DAP3: variants seen among roughly 807,000 people sequenced by gnomAD.
The protein encoded by DAP3 is death associated protein 3.
DAP3 carries 28 observed loss-of-function variants against 51.9 expected under a neutral mutation model. That is an observed-to-expected ratio of 0.54 (90% CI 0.40 to 0.74). DAP3 has a LOEUF of 0.74. Among genes scored for constraint, DAP3 ranks in the 30% least tolerant of loss-of-function variants. The pLI is 0.00. For synonymous variants in DAP3, 170 were observed against 170.3 expected (o/e 1.00, Z 0.01); for missense variants, 458 against 483.5 (o/e 0.95, Z 0.49).
Position 155,709,814 on chromosome 1 carries a change from G to A in DAP3, c.35G>A (p.Arg12Lys), listed in dbSNP as rs760898731. Reference protein sequence around the residue: ...MLKGITRLISRIHKLDPGRFL... With the variant: ...MLKGITRLISKIHKLDPGRFL... ...AAAGGAATAACAAGGCTTATCTCTAGGATCCATAAGGTGAGTCCTGACTGA... is the reference window on the plus strand; with the variant it reads ...AAAGGAATAACAAGGCTTATCTCTAAGATCCATAAGGTGAGTCCTGACTGA... Residue 12 changes from arginine (R) to lysine (K), a missense_variant, in exon 2 of 13, where the codon AGG becomes AAG. Coordinates refer to ENST00000368336, the MANE Select transcript of DAP3 (RefSeq NM_004632.4). 1.2e-6 allele frequency: 2 copies of A among 1,613,006 alleles called. No homozygotes were observed. The highest frequency in any genetic ancestry group is 3.3e-5 in the Admixed American group (2 of 59,890).
At position 155,694,101 on chromosome 1, in the gene DAP3, C is replaced by T. The variant is rs555819474; in HGVS notation, c.-8+4927C>T. 3.3e-4 allele frequency among the ~76,000 whole-genome samples: 47 copies of T among 141,536 alleles called. 4 individuals are homozygous for T. Among genetic ancestry groups the T allele is most frequent in the African/African-American group, 4.2e-4 (13 of 31,094 alleles). 92.9% of individuals were successfully genotyped at this position (141,536 alleles called of 152,430 possible). A position where few individuals can be genotyped will look rare whatever the true frequency, so the allele number is the denominator to read the frequency against. The stretch of plus-strand genomic sequence containing the variant: ...GTTGAACTGAACTCTGTGGATGATC[C>T]GGGCTCCATCCAGAAAATAAATGAT... On this transcript the variant is annotated intron_variant, in intron 1 of 12. Coordinates refer to ENST00000368336, the MANE Select transcript of DAP3 (RefSeq NM_004632.4).
intron 1 of DAP3, among the ~76,000 whole-genome samples, chr1:155,698,367 C>T (rs1345795614): frequency 6.6e-6 from 1 of 152,170 alleles, no homozygotes. Flanking sequence ...AGGGAACTAA[C>T]AAATGTCCAT....
intron 11 of DAP3, 78 bp downstream of exon 11, chr1:155,732,111 T>A: frequency 7.8e-7 from 1 of 1,282,866 alleles, no homozygotes; most frequent in Non-Finnish European, 1.1e-6. Flanking sequence ...ATCTATGTAT[T>A]TTGACATAAT....
At chr1:155,715,122 G>A (rs796307706) in intron 2 of DAP3, among the ~76,000 whole-genome samples, 14 of 150,872 alleles carry the variant, frequency 9.3e-5, no homozygotes, top group African/African-American at 3.4e-4. Flanking sequence ...AGAATCACTT[G>A]AACCCAGGAG....
chr1:155,708,796 C>G (rs1656326556), intron 1 of DAP3, among the ~76,000 whole-genome samples: 1 of 151,478 alleles, frequency 6.6e-6, no homozygotes, highest in Non-Finnish European at 1.5e-5. Context: ...GCTCCGCCTC[C>G]CAGTTTCATG....
In DAP3 at chr1:155,731,370, A is replaced by G; in HGVS notation, c.858A>G (p.Glu286=). 1.9e-6 allele frequency: 3 copies of G among 1,614,050 alleles called. No homozygotes were observed. The highest frequency in any genetic ancestry group is 2.5e-6 in the Non-Finnish European group (3 of 1,179,974). The change falls in exon 10 of 13, where the codon GAA becomes GAG. Residue 286 remains glutamate (E), a synonymous_variant. Coordinates refer to ENST00000368336, the MANE Select transcript of DAP3 (RefSeq NM_004632.4). ...CCGATATGCAGATTGCCCCCGAGGA[A>G]TTAGCACTTGTTCACAACTTGAGGA... ...REDKSPIAPE[E]LALVHNLRKM...
chr1:155,703,908 G>A (rs994667061), intron 1 of DAP3, among the ~76,000 whole-genome samples: 3 of 152,322 alleles, frequency 2.0e-5, no homozygotes, highest in Non-Finnish European at 2.9e-5. Flanking sequence ...AGCACTTTGC[G>A]AGGCTAGGGC....
At chr1:155,721,086 A>G (rs1246463259) in intron 3 of DAP3, among the ~76,000 whole-genome samples, 1 of 151,296 alleles carries the variant, frequency 6.6e-6, no homozygotes, top group African/African-American at 2.4e-5. Context: ...CTGTAATCGC[A>G]GCATTTTGGG....
rs543064845 is a variant in DAP3, at chr1:155,720,908, G to A, written c.169-609G>A. Among the ~76,000 whole-genome samples the A allele has an allele frequency of 5.9e-4, 90 of 151,822 alleles. 2 individuals carry two copies. Among genetic ancestry groups the A allele is most frequent in the Non-Finnish European group, 5.2e-4 (35 of 67,956 alleles). On this transcript the variant is annotated intron_variant, in intron 3 of 12. Transcript: ENST00000368336. ...AAAAATTAGCTGGGCGTGGTGGCGCGTGCCTGTAGTCCCAGATGCTCGGGA... is the reference window on the plus strand; with the variant it reads ...AAAAATTAGCTGGGCGTGGTGGCGCATGCCTGTAGTCCCAGATGCTCGGGA...
intron 7 of DAP3, among the ~76,000 whole-genome samples, chr1:155,728,141 T>C (rs570184439): frequency 3.9e-5 from 6 of 152,276 alleles, no homozygotes; most frequent in Non-Finnish European, 7.4e-5. Context: ...GGCCTTCAAC[T>C]CTGGATATAA....
At chr1:155,693,276 G>A (rs1196713751) in intron 1 of DAP3, among the ~76,000 whole-genome samples, 1 of 141,920 alleles carries the variant, frequency 7.0e-6, no homozygotes, top group Non-Finnish European at 1.5e-5. Flanking sequence ...AAGGAGGCTT[G>A]ACACAGCTCT....
intron 2 of DAP3, among the ~76,000 whole-genome samples, chr1:155,712,338 C>T (rs1255330555): frequency 1.8e-4 from 27 of 152,094 alleles, no homozygotes; most frequent in Admixed American, 1.8e-3. Flanking sequence ...GTAGGCCAGG[C>T]ATGGTGGCTT....
intron 2 of DAP3, among the ~76,000 whole-genome samples, chr1:155,712,612 CAAAAAAAAAA>C (rs61338392): frequency 1.4e-4 from 8 of 55,502 alleles, no homozygotes; most frequent in East Asian, 5.5e-4. Context: ...AACTCCGTCT[CAAAAAAAAAA>C]AAAAAAAAAA....
intron 6 of DAP3, among the ~76,000 whole-genome samples, chr1:155,726,455 AT>A (rs1164963950): frequency 1.3e-5 from 2 of 151,044 alleles, no homozygotes; most frequent in African/African-American, 2.4e-5. Context: ...TGCCCGGCTA[AT>A]TTTTTTTGTA....
chr1:155,688,542 G>A (rs2149089605), upstream of DAP3: 2 of 1,541,694 alleles, frequency 1.3e-6, no homozygotes, highest in East Asian at 2.4e-5. Flanking sequence ...CACCACCTTC[G>A]GCCGTCCTGC....
chr1:155,726,483 G>C (rs1437842807), intron 6 of DAP3, among the ~76,000 whole-genome samples: 6 of 151,568 alleles, frequency 4.0e-5, no homozygotes, highest in Admixed American at 3.9e-4. Context: ...GTAGAGACAG[G>C]GTTTCACCAT....
In DAP3 at chr1:155,721,553, A is replaced by C; in HGVS notation, c.205A>C (p.Asn69His). ...GGATCAGCACGAGGGTCAGCACTAC[A>C]ACATCTCCCCCCAGGATTTGGAGAC... ...HGDQHEGQHY[N>H]ISPQDLETVF... is the part of the protein sequence containing the mutation. Residue 69 changes from asparagine to histidine, a missense_variant, in exon 4 of 13, where the codon AAC becomes CAC. Transcript: ENST00000368336. The C allele has an allele frequency of 1.9e-6, 3 of 1,613,956 alleles. No homozygotes were observed. Among genetic ancestry groups the C allele is most frequent in the Non-Finnish European group, 2.5e-6 (3 of 1,180,000 alleles).
At chr1:155,720,036 A>G (rs1041063163) in intron 3 of DAP3, among the ~76,000 whole-genome samples, 2 of 151,522 alleles carry the variant, frequency 1.3e-5, no homozygotes, top group African/African-American at 4.8e-5. Flanking sequence ...GCTTTAAGAG[A>G]TGAGTGGTCC....
At chr1:155,688,574 C>G (rs1427654619), upstream of DAP3, 16 of 1,537,514 alleles carry the variant, frequency 1.0e-5, no homozygotes, top group Middle Eastern at 3.3e-4. Flanking sequence ...CCCGTACGCG[C>G]TCACCCACGG....
Sources: gnomAD v4.1 joint callset for allele counts (sites outside exome capture counted in the v4.1 genomes callset) on GRCh38, gnomAD v4.1.1 for gene constraint, MANE v1.5 for transcripts, NCBI Gene and HGNC (gene_info 2026-07-23, HGNC 2026-07-21) for gene names.